Variants in PCDH9 observed in about 807,000 individuals in gnomAD.
PCDH9 encodes the protein protocadherin 9.
A neutral mutation model predicts 70.6 loss-of-function variants in PCDH9; 24 were observed. The ratio of observed to expected loss-of-function variants is 0.34; its 90% CI spans 0.25 to 0.48. The LOEUF is 0.48. Among genes scored for constraint, PCDH9 ranks in the 20% least tolerant of loss-of-function variants. The probability of loss-of-function intolerance (pLI) is 0.99; values close to 1 mark genes in which losing one functional copy is unlikely to be tolerated. For missense variants in PCDH9, 1,281 were observed against 1,503.6 expected, an observed-to-expected ratio of 0.85 and a Z score of 2.45; for synonymous variants, 562 against 558.5, an observed-to-expected ratio of 1.01 and a Z score of -0.09.
intron 2 of PCDH9, among the ~76,000 whole-genome samples, chr13:66,956,250 G>A (rs557649920): frequency 1.3e-5 from 2 of 152,170 alleles, no homozygotes; most frequent in African/African-American, 4.8e-5. Context: ...ATTGTGGCTT[G>A]AAACAAAAGT....
At chr13:67,115,884 C>T (rs574447111) in intron 2 of PCDH9, among the ~76,000 whole-genome samples, 6 of 152,016 alleles carry the variant, frequency 3.9e-5, no homozygotes, top group South Asian at 2.1e-4. Context: ...ATCCTATATC[C>T]GCTTTCAAAT....
chr13:66,342,645 C>T (rs900890695), intron 4 of PCDH9, among the ~76,000 whole-genome samples: 11 of 151,928 alleles, frequency 7.2e-5, no homozygotes, highest in Non-Finnish European at 7.4e-5. Context: ...CTTTTTGAGA[C>T]GGAGTCTCTC....
At chr13:66,602,664 A>T (rs1419396778) in intron 4 of PCDH9, among the ~76,000 whole-genome samples, 1 of 145,816 alleles carries the variant, frequency 6.9e-6, no homozygotes, top group Non-Finnish European at 1.5e-5. Context: ...AGAAAGAAAA[A>T]AAATTTAAAT....
chr13:66,389,872 G>A (rs982321424), intron 4 of PCDH9, among the ~76,000 whole-genome samples: 3 of 152,148 alleles, frequency 2.0e-5, no homozygotes, highest in Admixed American at 2.0e-4. Context: ...TTAAAAGGCT[G>A]TGATTAGAAT....
chr13:66,840,572 C>T (rs2081099679), intron 3 of PCDH9, among the ~76,000 whole-genome samples: 1 of 152,216 alleles, frequency 6.6e-6, no homozygotes, highest in Non-Finnish European at 1.5e-5. Flanking sequence ...ACATTCTCTA[C>T]TAAATAACTA....
chr13:66,821,911 G>T (rs2080717642), intron 3 of PCDH9, among the ~76,000 whole-genome samples: 2 of 152,116 alleles, frequency 1.3e-5, no homozygotes, highest in South Asian at 4.1e-4. Flanking sequence ...GTTTCTCAAT[G>T]TGATTTTTAT....
intron 2 of PCDH9, chr13:67,215,653 A>G (rs1353778398): frequency 6.6e-6 from 1 of 152,106 alleles, no homozygotes; most frequent in Non-Finnish European, 1.5e-5. Context: ...TACTGAGAAA[A>G]TGGGACCCAC....
chr13:66,918,753 C>A (rs1198983274), intron 2 of PCDH9, among the ~76,000 whole-genome samples: 1 of 151,162 alleles, frequency 6.6e-6, no homozygotes, highest in Non-Finnish European at 1.5e-5. Context: ...AATAATACAA[C>A]TTTATTACTT....
intron 4 of PCDH9, among the ~76,000 whole-genome samples, chr13:66,337,689 C>A (rs971004513): frequency 1.3e-5 from 2 of 151,980 alleles, no homozygotes; most frequent in Non-Finnish European, 2.9e-5. Context: ...AGGACAAGGA[C>A]ATCTTAAGTA....
intron 2 of PCDH9, chr13:67,211,429 A>C (rs1308564120): frequency 6.6e-6 from 1 of 152,050 alleles, no homozygotes; most frequent in Non-Finnish European, 1.5e-5. Flanking sequence ...TTTGTACAAG[A>C]ATGTGCAGGT....
intron 3 of PCDH9, among the ~76,000 whole-genome samples, chr13:66,665,312 T>TGGTCTC (rs971272632): frequency 1.3e-5 from 2 of 152,140 alleles, no homozygotes; most frequent in African/African-American, 4.8e-5. Context: ...TTGGCCAGTC[T>TGGTCTC]GGTCTCGAAC....
chr13:67,054,525 A>G (rs2085381390), intron 2 of PCDH9, among the ~76,000 whole-genome samples: 1 of 152,220 alleles, frequency 6.6e-6, no homozygotes, highest in Non-Finnish European at 1.5e-5. Context: ...TAGATAAATT[A>G]GTATTGGTAG....
At chr13:66,563,187 C>A (rs1183536483) in intron 4 of PCDH9, among the ~76,000 whole-genome samples, 2 of 152,102 alleles carry the variant, frequency 1.3e-5, no homozygotes, top group African/African-American at 2.4e-5. Context: ...CTTCTCAGCA[C>A]TCCCTGTGTA....
At chr13:66,735,355 G>A (rs2139184732) in intron 3 of PCDH9, among the ~76,000 whole-genome samples, 1 of 152,286 alleles carries the variant, frequency 6.6e-6, no homozygotes, top group East Asian at 1.9e-4. Flanking sequence ...AGAGATTTGT[G>A]AGACTTAGAA....
intron 4 of PCDH9, among the ~76,000 whole-genome samples, chr13:66,431,250 A>G (rs1048942609): frequency 4.6e-5 from 7 of 152,066 alleles, no homozygotes; most frequent in African/African-American, 1.7e-4. Context: ...TATAAAATGT[A>G]TTTTGCATCC....
chr13:67,229,914 A>C lies in PCDH9; in HGVS notation c.-270T>G, dbSNP rs1019385666. 6.6e-6 allele frequency: 1 copy of C among 152,218 alleles called. No homozygotes were observed. The highest frequency in any genetic ancestry group is 1.5e-5 in the Non-Finnish European group (1 of 68,058). 9.4% of individuals were successfully genotyped at this position (152,218 alleles called of 1,614,324 possible). On this transcript the variant is annotated 5_prime_UTR_variant, in exon 1 of 5. Transcript: ENST00000377865. ...AAGCAGCAAAATGTTTCCTCCTTGT[A>C]AAATGTGTTGCTTCGGGCTGGCAAA...
chr13:67,074,489 A>G (rs2083737142), intron 2 of PCDH9, among the ~76,000 whole-genome samples: 1 of 152,138 alleles, frequency 6.6e-6, no homozygotes, highest in African/African-American at 2.4e-5. Flanking sequence ...GGACTAAGAC[A>G]CTGTTTATCT....
chr13:66,322,801 A>C (rs1269120381), intron 4 of PCDH9, among the ~76,000 whole-genome samples: 1 of 152,040 alleles, frequency 6.6e-6, no homozygotes, highest in African/African-American at 2.4e-5. Context: ...GTGGGCACGT[A>C]TATCACTCTC....
At chr13:67,138,755 G>A (rs2087298604) in intron 2 of PCDH9, among the ~76,000 whole-genome samples, 1 of 152,082 alleles carries the variant, frequency 6.6e-6, no homozygotes, top group South Asian at 2.1e-4. Context: ...CCAATTCTTT[G>A]TTCAAGACAC....
Sources: gnomAD v4.1 joint callset for allele counts (sites outside exome capture counted in the v4.1 genomes callset) on GRCh38, gnomAD v4.1.1 for gene constraint, MANE v1.5 for transcripts, NCBI Gene and HGNC (gene_info 2026-07-23, HGNC 2026-07-21) for gene names.